The following ATG7 variants were observed in gnomAD, a reference collection of about 807,000 sequenced individuals.
ATG7 encodes ubiquitin-like modifier-activating enzyme ATG7.
A neutral mutation model predicts 82.4 loss-of-function variants in ATG7; 70 were observed. The ratio of observed to expected loss-of-function variants is 0.85; its 90% CI spans 0.70 to 1.04. The LOEUF is 1.04. Ranked by LOEUF, ATG7 falls within the 50% of genes least tolerant of loss-of-function variation. The pLI is 0.00. For missense variants in ATG7, 792 were observed against 864.3 expected (o/e 0.92, Z 1.05); for synonymous variants, 287 against 313.0 (o/e 0.92, Z 0.88).
At chr3:11,347,261 C>A (rs993509456) in intron 13 of ATG7, among the ~76,000 whole-genome samples, 6 of 152,156 alleles carry the variant, frequency 3.9e-5, no homozygotes, top group Non-Finnish European at 7.3e-5. Flanking sequence ...CCTTTAAAAT[C>A]GTATGGTTTT....
chr3:11,357,739 G>A (rs1559462394), intron 14 of ATG7, among the ~76,000 whole-genome samples: 1 of 152,060 alleles, frequency 6.6e-6, no homozygotes, highest in Non-Finnish European at 1.5e-5. Context: ...GGCAGGGTAC[G>A]GTGGCTCATG....
intron 20 of ATG7, among the ~76,000 whole-genome samples, chr3:11,516,331 T>TATA (rs374681923): frequency 0.015 from 2,238 of 151,628 alleles, 55 homozygotes; most frequent in African/African-American, 0.049. Flanking sequence ...AAACTTAAAG[T>TATA]ATAATAATAA....
chr3:11,393,656 G>A (rs569745057), intron 19 of ATG7, among the ~76,000 whole-genome samples: 74 of 151,348 alleles, frequency 4.9e-4, no homozygotes, highest in African/African-American at 1.7e-3. Flanking sequence ...GAAGAGAGAA[G>A]AGAATGATAA....
At chr3:11,439,069 C>CTTTTTTTTTTTTTTTTTTTTTTTT (rs67206280) in intron 20 of ATG7, among the ~76,000 whole-genome samples, 5 of 121,976 alleles carry the variant, frequency 4.1e-5, no homozygotes, top group Non-Finnish European at 8.2e-5. Flanking sequence ...TTCTTTCTTT[C>CTTTTTTTTTTTTTTTTTTTTTTTT]TTTTTTTTTT....
At chr3:11,483,393 C>G (rs535242441) in intron 20 of ATG7, among the ~76,000 whole-genome samples, 2 of 151,426 alleles carry the variant, frequency 1.3e-5, no homozygotes, top group South Asian at 4.2e-4. Flanking sequence ...ACTGAGCTCC[C>G]AACACGCACA....
At chr3:11,389,658 G>C (rs964949890) in intron 19 of ATG7, among the ~76,000 whole-genome samples, 1 of 152,108 alleles carries the variant, frequency 6.6e-6, no homozygotes, top group Admixed American at 6.5e-5. Flanking sequence ...GCAAATTAGA[G>C]GAGTCTTCTT....
At chr3:11,410,997 A>AT (rs2080841096) in intron 19 of ATG7, among the ~76,000 whole-genome samples, 2 of 152,074 alleles carry the variant, frequency 1.3e-5, no homozygotes, top group East Asian at 3.9e-4. Context: ...TTCTCTTTTA[A>AT]TTTTTTTAAG....
At chr3:11,308,091 C>G (rs1454722599) in intron 6 of ATG7, among the ~76,000 whole-genome samples, 1 of 152,242 alleles carries the variant, frequency 6.6e-6, no homozygotes, top group Admixed American at 6.5e-5. Flanking sequence ...CCCATGCCCC[C>G]TCGGCTTACC....
At position 11,429,205 on chromosome 3, in the gene ATG7, C is replaced by T. The variant is rs879370784; in HGVS notation, c.2079+2279C>T. Among the ~76,000 whole-genome samples the T allele has an allele frequency of 3.3e-5, 5 of 152,212 alleles. No individual in the cohort carries two copies. The South Asian group carries it at 6.2e-4, about 19-fold the overall frequency. The stretch of plus-strand genomic sequence containing the variant: ...GAATAAAGCCATCATTTAAAAACCA[C>T]AAGTTTTAGGCGGGGCGTGGTGGCT... On this transcript the variant is annotated intron_variant, in intron 20 of 20. Coordinates refer to ENST00000693202, the MANE Select transcript of ATG7 (RefSeq NM_001349232.2).
At chr3:11,453,376 CAG>C (rs1367937464) in intron 20 of ATG7, among the ~76,000 whole-genome samples, 7 of 152,162 alleles carry the variant, frequency 4.6e-5, no homozygotes, top group Non-Finnish European at 8.8e-5. Context: ...CTAGAAAACT[CAG>C]AGGGATAAAA....
intron 20 of ATG7, among the ~76,000 whole-genome samples, chr3:11,516,207 C>T (rs1262994887): frequency 1.3e-5 from 2 of 151,922 alleles, no homozygotes; most frequent in African/African-American, 4.8e-5. Context: ...AAAGATGTTC[C>T]AATAGCATTA....
At chr3:11,315,070 C>T (rs1354035883) in intron 8 of ATG7, among the ~76,000 whole-genome samples, 3 of 152,152 alleles carry the variant, frequency 2.0e-5, no homozygotes, top group African/African-American at 7.2e-5. Flanking sequence ...CGTTACCGCT[C>T]TAAAACTCTG....
intron 19 of ATG7, among the ~76,000 whole-genome samples, chr3:11,382,387 G>A (rs2077974177): frequency 6.6e-6 from 1 of 152,250 alleles, no homozygotes; most frequent in African/African-American, 2.4e-5. Flanking sequence ...AGGAAAGTTG[G>A]AACATTTATC....
At position 11,377,894 on chromosome 3, in the gene ATG7, A is replaced by G. The variant is rs17034375; in HGVS notation, c.1876-2078A>G. 7.2e-3 allele frequency among the ~76,000 whole-genome samples: 1,097 copies of G among 152,242 alleles called. 6 individuals carry two copies. The highest frequency in any genetic ancestry group is 0.024 in the African/African-American group (979 of 41,510). On this transcript the variant is annotated intron_variant, in intron 18 of 20. Transcript: ENST00000693202. Reference sequence around the variant, plus strand: ...TCCTATTTTGACGTCCTGAATAGCAAACTTATGACCCTGATTATGCCTCAG... The same window carrying G: ...TCCTATTTTGACGTCCTGAATAGCAGACTTATGACCCTGATTATGCCTCAG...
At chr3:11,443,599 C>G (rs2084212620) in intron 20 of ATG7, among the ~76,000 whole-genome samples, 1 of 152,124 alleles carries the variant, frequency 6.6e-6, no homozygotes, top group Admixed American at 6.5e-5. Context: ...GTTGCCCAGG[C>G]TGGTCTTGAA....
At position 11,555,136 on chromosome 3, in the gene ATG7, C is replaced by T; in HGVS notation, c.*293C>T. Reference sequence around the variant, plus strand: ...TTGTCACAGTGACTGATAGCCATCCCCCAGGATCCTTTCCCCTTGGCCCTG... The same window carrying T: ...TTGTCACAGTGACTGATAGCCATCCTCCAGGATCCTTTCCCCTTGGCCCTG... On this transcript the variant is annotated 3_prime_UTR_variant, in exon 21 of 21. Coordinates refer to ENST00000693202, the MANE Select transcript of ATG7 (RefSeq NM_001349232.2). 2.2e-6 allele frequency: 1 copy of T among 445,592 alleles called. No individual in the cohort carries two copies. Among genetic ancestry groups the T allele is most frequent in the Non-Finnish European group, 4.0e-6 (1 of 250,818 alleles). The allele number at this position is 445,592 out of a possible 1,614,324, so 27.6% of individuals were successfully genotyped here.
chr3:11,442,437 G>C (rs890631005), intron 20 of ATG7, among the ~76,000 whole-genome samples: 3 of 151,928 alleles, frequency 2.0e-5, no homozygotes, highest in African/African-American at 7.3e-5. Context: ...TGGAAAACTA[G>C]ATTTTTTTCA....
chr3:11,358,817 A>G (rs1245946321), intron 15 of ATG7, among the ~76,000 whole-genome samples: 2 of 152,200 alleles, frequency 1.3e-5, no homozygotes, highest in African/African-American at 4.8e-5. Flanking sequence ...CTTAATTTTC[A>G]TAATAATCTT....
intron 8 of ATG7, among the ~76,000 whole-genome samples, chr3:11,314,069 T>C (rs1054970471): frequency 6.6e-6 from 1 of 152,204 alleles, no homozygotes; most frequent in Non-Finnish European, 1.5e-5. Context: ...GGCAGTATAG[T>C]CTGGGAAAGA....
Sources: allele counts gnomAD v4.1 joint callset (sites outside exome capture counted in the v4.1 genomes callset), GRCh38; gene constraint gnomAD v4.1.1; transcripts MANE v1.5; gene names NCBI Gene and HGNC (gene_info 2026-07-23, HGNC 2026-07-21).